Variants in COL14A1 observed in about 807,000 individuals in gnomAD.
COL14A1 encodes collagen type XIV alpha 1 chain.
In COL14A1, 136 loss-of-function variants were observed where a neutral mutation model predicts 230.3. That is an observed-to-expected ratio of 0.59 (90% confidence interval 0.51 to 0.68). COL14A1 has a LOEUF of 0.68. COL14A1 is among the 30% of genes least tolerant of loss of function. The probability of loss-of-function intolerance (pLI) is 0.00; values close to 1 mark genes in which losing one functional copy is unlikely to be tolerated. For missense variants in COL14A1, 1,976 were observed against 2,215.8 expected, an observed-to-expected ratio of 0.89 and a Z score of 2.17; for synonymous variants, 792 against 784.1, an observed-to-expected ratio of 1.01 and a Z score of -0.17.
At chr8:120,278,951 C>T (rs1819943290) in intron 28 of COL14A1, among the ~76,000 whole-genome samples, 1 of 151,980 alleles carries the variant, frequency 6.6e-6, no homozygotes, top group African/African-American at 2.4e-5. Flanking sequence ...ACATATAAGC[C>T]ATGGAATACT....
chr8:120,337,592 G>T (rs916055505), intron 42 of COL14A1, among the ~76,000 whole-genome samples: 18 of 152,128 alleles, frequency 1.2e-4, no homozygotes, highest in Admixed American at 2.6e-4. Context: ...TGTAGGACTT[G>T]AACCACAAGA....
chr8:120,189,426 TG>T, intron 5 of COL14A1, among the ~76,000 whole-genome samples: 1 of 152,114 alleles, frequency 6.6e-6, no homozygotes, highest in Non-Finnish European at 1.5e-5. Context: ...CTTTTGAAAT[TG>T]TTGAAAAAAT....
At position 120,162,827 on chromosome 8, in the gene COL14A1, A is replaced by G. The variant is rs150803222; in HGVS notation, c.349+258A>G. On this transcript the variant is annotated intron_variant, in intron 4 of 47. Coordinates refer to ENST00000297848, the MANE Select transcript of COL14A1 (RefSeq NM_021110.4). ...TGAACTTCTTAACATTGGCTCCTGA[A>G]CCTTACCCAGACATCTCTCCTATGT... Among the ~76,000 whole-genome samples the G allele has an allele frequency of 1.9e-4, 29 of 152,224 alleles. 1 individual carries two copies. In the East Asian group the frequency reaches 5.2e-3, roughly 27 times the overall value.
chr8:120,281,715 A>G (rs1484205365), intron 31 of COL14A1, among the ~76,000 whole-genome samples: 6 of 152,222 alleles, frequency 3.9e-5, no homozygotes, highest in Admixed American at 2.6e-4. Flanking sequence ...TGAATCAGAA[A>G]CACAAAGAAG....
rs1586784195 is a variant in COL14A1 at position 120,227,241 on chromosome 8, G to A, written c.2026G>A (p.Asp676Asn). Residue 676 changes from aspartate to asparagine, a missense_variant, in exon 17 of 48, where the codon GAC becomes AAC. This residue lies in a region of COL14A1 where 1,791 missense variants were observed against 2,019.5 expected (regional missense o/e 0.89). Transcript: ENST00000297848. The part of the protein sequence containing the change: ...TEEVVLKEEQ[D>N]SHVIEGLEPG... ...TCAGGTTGTCCTGAAAGAAGAGCAG[G>A]ACTCACATGTTATTGAAGGCCTGGA... The A allele has an allele frequency of 6.2e-7, 1 of 1,613,896 alleles. No individual in the cohort carries two copies. Among genetic ancestry groups the A allele is most frequent in the Non-Finnish European group, 8.5e-7 (1 of 1,179,934 alleles).
At position 120,175,307 on chromosome 8, in the gene COL14A1, T is replaced by C. The variant is rs189870098; in HGVS notation, c.436+7060T>C. On this transcript the variant is annotated intron_variant, in intron 5 of 47. Transcript: ENST00000297848. ...TTGTCCAAACAGCTTTCTTTAATCA[T>C]TTTTGGAGTTTTGCACAAGAATGCA... 4.6e-3 allele frequency among the ~76,000 whole-genome samples: 705 copies of C among 152,326 alleles called. 3 individuals carry two copies. The highest frequency in any genetic ancestry group is 0.016 in the African/African-American group (679 of 41,574).
At position 120,216,626 on chromosome 8, in the gene COL14A1, A is replaced by G; in HGVS notation, c.1737+136A>G. On this transcript the variant is annotated intron_variant, in intron 14 of 47. Coordinates refer to ENST00000297848, the MANE Select transcript of COL14A1 (RefSeq NM_021110.4). Reference sequence around the variant, plus strand: ...ATTGTCTCGCATAGTTCCTGTATGTAGGTCAGGAATTGGGGTGTGGATTGC... The same window carrying G: ...ATTGTCTCGCATAGTTCCTGTATGTGGGTCAGGAATTGGGGTGTGGATTGC... 8 of 920,864 alleles carry G rather than the reference A, an allele frequency of 8.7e-6. No homozygotes were observed. The Middle Eastern group carries it at 1.9e-3, about 219-fold the overall frequency. The allele number at this position is 920,864 out of a possible 1,614,324, so 57.0% of individuals were successfully genotyped here.
chr8:120,166,923 GTGGTGATGA>G (rs1322810110), intron 4 of COL14A1, among the ~76,000 whole-genome samples: 1 of 71,462 alleles, frequency 1.4e-5, no homozygotes, highest in African/African-American at 5.0e-5. Context: ...TGTGTGTGTG[GTGGTGATGA>G]TGGTGGTGGT....
Position 120,371,012 on chromosome 8 carries a change from A to G in COL14A1, c.5312-140A>G, listed in dbSNP as rs956135180. The G allele has an allele frequency of 3.9e-5, 41 of 1,039,582 alleles. No individual in the cohort carries two copies. In the African/African-American group the frequency reaches 5.1e-4, roughly 13 times the overall value. 64.4% of individuals were successfully genotyped at this position (1,039,582 alleles called of 1,614,324 possible). On this transcript the variant is annotated intron_variant, in intron 47 of 47. Coordinates refer to ENST00000297848, the MANE Select transcript of COL14A1 (RefSeq NM_021110.4). ...GTCTGAAACCTTATGGGGAAGGTAC[A>G]AGGGGCGTGGTGGATTAAGACATCC...
chr8:120,131,908 G>A (rs1180632136), intron 1 of COL14A1, among the ~76,000 whole-genome samples: 6 of 132,056 alleles, frequency 4.5e-5, no homozygotes, highest in South Asian at 2.4e-4. Context: ...GTGCAGTGGC[G>A]CTATCTCGGC....
intron 8 of COL14A1, among the ~76,000 whole-genome samples, chr8:120,203,499 G>A (rs1817324224): frequency 6.6e-6 from 1 of 151,992 alleles, no homozygotes; most frequent in Non-Finnish European, 1.5e-5. Context: ...ATTGTTTTGT[G>A]TTATATAATA....
chr8:120,336,521 T>A (rs935367134), intron 42 of COL14A1, among the ~76,000 whole-genome samples: 4 of 152,186 alleles, frequency 2.6e-5, no homozygotes, highest in African/African-American at 9.7e-5. Flanking sequence ...GAGGCTCTCA[T>A]TGGCCCCCTG....
chr8:120,312,116 A>G (rs1370710121), intron 37 of COL14A1, among the ~76,000 whole-genome samples: 1 of 151,934 alleles, frequency 6.6e-6, no homozygotes, highest in Non-Finnish European at 1.5e-5. Flanking sequence ...TAAATAATAT[A>G]TTATTAAACT....
intron 34 of COL14A1, among the ~76,000 whole-genome samples, chr8:120,294,563 A>G (rs922503547): frequency 2.0e-4 from 27 of 135,620 alleles, no homozygotes; most frequent in African/African-American, 6.7e-4. Context: ...GAGCCACACT[A>G]TCTTGCATTT....
chr8:120,212,484 A>G lies in COL14A1; in HGVS notation c.1504A>G (p.Ser502Gly), dbSNP rs775993885. The change falls in exon 13 of 48, where the codon AGT (serine) becomes GGT (glycine). Residue 502 changes from serine to glycine, a missense_variant. Physicochemically the swap from Ser to Gly is moderately conservative, Grantham distance 56 (BLOSUM62 0). Transcript: ENST00000297848. The stretch of plus-strand genomic sequence containing the variant: ...AGAGACCCACACAGATATTGAATTG[A>G]GTGGGTTGTTGCCCAATACAGAATA... ...IGETHTDIEL[S>G]GLLPNTEYTV... 5.0e-6 allele frequency: 8 copies of G among 1,613,304 alleles called. No homozygotes were observed. The highest frequency in any genetic ancestry group is 6.8e-6 in the Non-Finnish European group (8 of 1,179,506).
chr8:120,206,847 A>G (rs1050602567), intron 9 of COL14A1, 96 bp from the exon 10 acceptor site: 21 of 1,232,076 alleles, frequency 1.7e-5, no homozygotes, highest in Admixed American at 3.1e-5. Context: ...TAGAGGCAGC[A>G]TAAAATCAAT....
At chr8:120,216,740 G>A (rs1022502520) in intron 14 of COL14A1, among the ~76,000 whole-genome samples, 1 of 152,168 alleles carries the variant, frequency 6.6e-6, no homozygotes, top group African/African-American at 2.4e-5. Context: ...CTTTACTCAT[G>A]TATCTGGTGC....
intron 23 of COL14A1, among the ~76,000 whole-genome samples, chr8:120,258,223 T>C (rs1463480635): frequency 3.3e-5 from 5 of 152,224 alleles, no homozygotes; most frequent in African/African-American, 1.2e-4. Flanking sequence ...TTGCTCCTTC[T>C]TGTGTTCTGC....
At chr8:120,361,091 CTACAGG>C (rs761366752) in intron 45 of COL14A1, among the ~76,000 whole-genome samples, 85 of 152,230 alleles carry the variant, frequency 5.6e-4, no homozygotes, top group Admixed American at 8.5e-4. Context: ...CTCTACTCTC[CTACAGG>C]TAATAGTGGC....
Sources: gnomAD v4.1 joint callset for allele counts (sites outside exome capture counted in the v4.1 genomes callset) on GRCh38, gnomAD v4.1.1 for gene constraint, gnomAD v4.1.1 regional missense constraint, MANE v1.5 for transcripts, NCBI Gene and HGNC (gene_info 2026-07-23, HGNC 2026-07-21) for gene names.